NEGR1: variants seen among roughly 807,000 people sequenced by gnomAD.
The protein encoded by NEGR1 is IgLON family member 4.
NEGR1 carries 10 observed loss-of-function variants against 40.9 expected under a neutral mutation model. The observed-to-expected ratio is 0.24, with a 90% CI of 0.15 to 0.42. NEGR1 has a LOEUF of 0.42. Ranked by LOEUF, NEGR1 falls within the 10% of genes least tolerant of loss-of-function variation. The pLI, the probability that NEGR1 is intolerant of heterozygous loss-of-function variation, is 1.00. For synonymous variants in NEGR1, 185 were observed against 166.8 expected, an observed-to-expected ratio of 1.11 and a Z score of -0.84; for missense variants, 352 against 438.9, an observed-to-expected ratio of 0.80 and a Z score of 1.77.
intron 1 of NEGR1, among the ~76,000 whole-genome samples, chr1:72,032,858 T>C (rs933030987): frequency 1.3e-5 from 2 of 152,058 alleles, no homozygotes; most frequent in African/African-American, 4.8e-5. Context: ...AGTTTCCTCA[T>C]TTAAAAAATG....
intron 4 of NEGR1, among the ~76,000 whole-genome samples, chr1:71,642,378 GAA>G (rs1651381169): frequency 6.6e-6 from 1 of 151,392 alleles, no homozygotes; most frequent in Non-Finnish European, 1.5e-5. Flanking sequence ...GAGAAAGAAA[GAA>G]AAGAGAGAAA....
intron 4 of NEGR1, among the ~76,000 whole-genome samples, chr1:71,613,233 G>C (rs1650324023): frequency 6.6e-6 from 1 of 152,112 alleles, no homozygotes; most frequent in Non-Finnish European, 1.5e-5. Flanking sequence ...AATTGGAGCT[G>C]ATAAGATTTC....
chr1:72,022,713 T>C (rs936406641), intron 1 of NEGR1, among the ~76,000 whole-genome samples: 3 of 152,104 alleles, frequency 2.0e-5, no homozygotes, highest in Non-Finnish European at 2.9e-5. Flanking sequence ...GAATTTTAGC[T>C]AGTATAATCT....
chr1:72,225,250 TC>T (rs1654139187), intron 1 of NEGR1, among the ~76,000 whole-genome samples: 1 of 151,930 alleles, frequency 6.6e-6, no homozygotes, highest in Non-Finnish European at 1.5e-5. Context: ...TGAATACAAG[TC>T]CTCCTGATTT....
chr1:71,883,953 T>G (rs1302564404), intron 2 of NEGR1, among the ~76,000 whole-genome samples: 1 of 152,030 alleles, frequency 6.6e-6, no homozygotes, highest in Non-Finnish European at 1.5e-5. Flanking sequence ...ATTTCTGATA[T>G]GAATAAATGG....
At chr1:71,548,513 C>G (rs1647973390) in intron 6 of NEGR1, among the ~76,000 whole-genome samples, 1 of 151,726 alleles carries the variant, frequency 6.6e-6, no homozygotes, top group South Asian at 2.1e-4. Context: ...GGGCTCCAAT[C>G]TGGATTTGAC....
chr1:71,558,351 C>T (rs74757299), intron 6 of NEGR1, among the ~76,000 whole-genome samples: 1 of 151,404 alleles, frequency 6.6e-6, no homozygotes, highest in Non-Finnish European at 1.5e-5. Flanking sequence ...ATACTGATAT[C>T]CTATTTCTCT....
intron 3 of NEGR1, among the ~76,000 whole-genome samples, chr1:71,738,906 C>G (rs542593024): frequency 1.3e-3 from 200 of 152,170 alleles, no homozygotes; most frequent in African/African-American, 4.6e-3. Context: ...AATTACATAG[C>G]ATGAGTTCAT....
intron 6 of NEGR1, among the ~76,000 whole-genome samples, chr1:71,545,234 G>C (rs967527439): frequency 5.3e-5 from 8 of 151,580 alleles, no homozygotes; most frequent in African/African-American, 1.9e-4. Flanking sequence ...TGAAATTCAG[G>C]ATCTGTTTGT....
chr1:71,908,394 C>G (rs2101870626), intron 2 of NEGR1, among the ~76,000 whole-genome samples: 1 of 152,082 alleles, frequency 6.6e-6, no homozygotes. Context: ...TGAACAAAAT[C>G]TAACAAATGT....
chr1:71,600,913 A>C (rs2101531440), intron 5 of NEGR1, among the ~76,000 whole-genome samples: 1 of 152,288 alleles, frequency 6.6e-6, no homozygotes, highest in Admixed American at 6.5e-5. Context: ...CCTTGATTCT[A>C]GTATGTTCCA....
chr1:71,529,707 G>A (rs2101442045), intron 6 of NEGR1, among the ~76,000 whole-genome samples: 1 of 151,188 alleles, frequency 6.6e-6, no homozygotes, highest in Middle Eastern at 3.4e-3. Context: ...GATGGCCATT[G>A]TCCAGAATAA....
intron 2 of NEGR1, among the ~76,000 whole-genome samples, chr1:71,793,485 C>T (rs1426163570): frequency 6.6e-6 from 1 of 150,664 alleles, no homozygotes; most frequent in Non-Finnish European, 1.5e-5. Flanking sequence ...ATTTAAAGAA[C>T]TAATTTTCAT....
At chr1:71,631,648 T>G (rs1285550323) in intron 4 of NEGR1, among the ~76,000 whole-genome samples, 1 of 151,824 alleles carries the variant, frequency 6.6e-6, no homozygotes, top group Non-Finnish European at 1.5e-5. Context: ...AATATAATGG[T>G]CTTATAAAAA....
At chr1:71,705,414 T>C (rs1653854469) in intron 3 of NEGR1, among the ~76,000 whole-genome samples, 1 of 152,244 alleles carries the variant, frequency 6.6e-6, no homozygotes, top group African/African-American at 2.4e-5. Context: ...ATCAACATTT[T>C]ATAAAAACAA....
At chr1:71,685,736 C>G (rs1043326772) in intron 4 of NEGR1, among the ~76,000 whole-genome samples, 1 of 152,200 alleles carries the variant, frequency 6.6e-6, no homozygotes, top group African/African-American at 2.4e-5. Flanking sequence ...CTCCATTCTT[C>G]TATTCACCTA....
intron 1 of NEGR1, among the ~76,000 whole-genome samples, chr1:72,151,569 A>G (rs1222709016): frequency 6.6e-6 from 1 of 151,752 alleles, no homozygotes; most frequent in Non-Finnish European, 1.5e-5. Flanking sequence ...TAAACACTTT[A>G]AAAGAATAAG....
chr1:71,936,777 G>GT (rs145414375), intron 1 of NEGR1, among the ~76,000 whole-genome samples: 2,722 of 152,254 alleles, frequency 0.018, 83 homozygotes, highest in African/African-American at 0.062. Flanking sequence ...GTCATATTCT[G>GT]TAACAGGTTT....
intron 1 of NEGR1, among the ~76,000 whole-genome samples, chr1:71,994,811 T>G (rs886877333): frequency 6.6e-6 from 1 of 152,082 alleles, no homozygotes; most frequent in Non-Finnish European, 1.5e-5. Context: ...ACTTCCTGTA[T>G]GGCAGTCTAG....
Sources: allele counts gnomAD v4.1 joint callset (sites outside exome capture counted in the v4.1 genomes callset), GRCh38; gene constraint gnomAD v4.1.1; transcripts MANE v1.5; gene names NCBI Gene and HGNC (gene_info 2026-07-23, HGNC 2026-07-21).